The following RORA variants were observed in gnomAD, a reference collection of about 807,000 sequenced individuals.
RORA encodes the protein nuclear receptor ROR-alpha.
Under a neutral mutation model 69.5 loss-of-function variants are expected in RORA, and 7 were observed. That is an observed-to-expected ratio of 0.10 (90% CI 0.06 to 0.19). The LOEUF (loss-of-function observed/expected upper bound fraction) is 0.19, where lower values mean the gene tolerates loss of function less well. Among genes scored for constraint, RORA ranks in the 10% least tolerant of loss-of-function variants. The probability of loss-of-function intolerance (pLI) is 1.00; values close to 1 mark genes in which losing one functional copy is unlikely to be tolerated. For synonymous variants in RORA, 261 were observed against 240.8 expected, an observed-to-expected ratio of 1.08 and a Z score of -0.78; for missense variants, 457 against 663.0, an observed-to-expected ratio of 0.69 and a Z score of 3.41.
intron 2 of RORA, among the ~76,000 whole-genome samples, chr15:60,676,043 T>C (rs1766691051): frequency 1.3e-5 from 2 of 152,164 alleles, no homozygotes; most frequent in African/African-American, 4.8e-5. Flanking sequence ...TTCATACACT[T>C]CACTGATAGT....
chr15:61,045,924 G>A (rs898759919), intron 1 of RORA, among the ~76,000 whole-genome samples: 3 of 152,152 alleles, frequency 2.0e-5, no homozygotes, highest in Non-Finnish European at 4.4e-5. Context: ...AGAACAACAG[G>A]CACAACTATT....
At chr15:60,735,921 C>T (rs978808545) in intron 1 of RORA, among the ~76,000 whole-genome samples, 3 of 152,170 alleles carry the variant, frequency 2.0e-5, no homozygotes, top group South Asian at 2.1e-4. Flanking sequence ...TGGCCAAGCC[C>T]AATTTAATCC....
At chr15:60,967,375 TG>T (rs1446141809) in intron 1 of RORA, among the ~76,000 whole-genome samples, 1 of 152,168 alleles carries the variant, frequency 6.6e-6, no homozygotes, top group African/African-American at 2.4e-5. Context: ...GAATTTGAAT[TG>T]GGAATCAGCA....
chr15:61,192,402 G>T (rs971909694), intron 1 of RORA, among the ~76,000 whole-genome samples: 3 of 152,192 alleles, frequency 2.0e-5, no homozygotes, highest in Non-Finnish European at 4.4e-5. Flanking sequence ...TATACAATCA[G>T]TAAAAGATGA....
At chr15:60,656,162 G>C (rs1596101664) in intron 2 of RORA, among the ~76,000 whole-genome samples, 1 of 152,222 alleles carries the variant, frequency 6.6e-6, no homozygotes, top group African/African-American at 2.4e-5. Context: ...TAGGAAGAGA[G>C]AGGTTTGGGA....
chr15:61,014,353 G>A (rs1895206444), intron 1 of RORA, among the ~76,000 whole-genome samples: 1 of 152,182 alleles, frequency 6.6e-6, no homozygotes. Flanking sequence ...CTGCGGATGT[G>A]GCTTCCTCAT....
chr15:60,789,508 T>C (rs1019944334), intron 1 of RORA, among the ~76,000 whole-genome samples: 1 of 152,276 alleles, frequency 6.6e-6, no homozygotes, highest in Non-Finnish European at 1.5e-5. Flanking sequence ...TTCCCAGCAC[T>C]GGGTCTGCAT....
intron 1 of RORA, among the ~76,000 whole-genome samples, chr15:61,205,381 G>A (rs969222136): frequency 1.3e-5 from 2 of 152,130 alleles, no homozygotes; most frequent in Non-Finnish European, 2.9e-5. Flanking sequence ...TGCATCTTTC[G>A]TATTCACAGT....
At chr15:61,117,019 CA>C (rs2079056931) in intron 1 of RORA, among the ~76,000 whole-genome samples, 1 of 152,064 alleles carries the variant, frequency 6.6e-6, no homozygotes, top group Non-Finnish European at 1.5e-5. Context: ...CAAAATACAT[CA>C]GCTTCAAAGA....
At chr15:61,172,543 G>T (rs137892731) in intron 1 of RORA, among the ~76,000 whole-genome samples, 2 of 152,106 alleles carry the variant, frequency 1.3e-5, no homozygotes, top group Non-Finnish European at 2.9e-5. Context: ...TCAAAACAGA[G>T]TTCAAGGGGG....
chr15:61,201,177 G>C (rs1254690618), intron 1 of RORA, among the ~76,000 whole-genome samples: 2 of 152,188 alleles, frequency 1.3e-5, no homozygotes, highest in African/African-American at 4.8e-5. Flanking sequence ...CACAGTCCCA[G>C]GTACCCAAGC....
intron 1 of RORA, among the ~76,000 whole-genome samples, chr15:60,810,107 C>T (rs1004164432): frequency 1.3e-5 from 2 of 152,020 alleles, no homozygotes; most frequent in African/African-American, 4.8e-5. Context: ...TGGTTTATGC[C>T]CTCAAGTTTG....
chr15:61,141,128 T>A (rs757319213), intron 1 of RORA, among the ~76,000 whole-genome samples: 10 of 152,318 alleles, frequency 6.6e-5, no homozygotes, highest in Non-Finnish European at 1.0e-4. Flanking sequence ...AGGAGTTCTG[T>A]CTACATTTCA....
At chr15:60,792,149 A>G (rs1216569085) in intron 1 of RORA, among the ~76,000 whole-genome samples, 2 of 152,194 alleles carry the variant, frequency 1.3e-5, no homozygotes, top group African/African-American at 4.8e-5. Flanking sequence ...AAGTAGAATG[A>G]ATATAATGAA....
intron 1 of RORA, among the ~76,000 whole-genome samples, chr15:60,980,136 CA>C (rs1219318433): frequency 6.6e-6 from 1 of 152,122 alleles, no homozygotes; most frequent in Non-Finnish European, 1.5e-5. Flanking sequence ...TTGAGATGAT[CA>C]CATGGGTTTT....
intron 1 of RORA, among the ~76,000 whole-genome samples, chr15:60,851,750 G>A (rs975573765): frequency 3.3e-5 from 5 of 151,544 alleles, no homozygotes; most frequent in Admixed American, 6.6e-5. Flanking sequence ...GTGTATGAGT[G>A]AGTGGGTGGG....
intron 1 of RORA, among the ~76,000 whole-genome samples, chr15:61,095,771 A>G (rs2078780447): frequency 6.6e-6 from 1 of 152,246 alleles, no homozygotes; most frequent in Non-Finnish European, 1.5e-5. Flanking sequence ...CCCAAGGTCC[A>G]TGATTTTCCA....
intron 1 of RORA, among the ~76,000 whole-genome samples, chr15:61,127,842 C>T (rs1162337423): frequency 6.6e-6 from 1 of 152,152 alleles, no homozygotes; most frequent in East Asian, 1.9e-4. Flanking sequence ...GGGTGCAGTA[C>T]CTGGGCTGGC....
At chr15:60,679,526 T>A (rs1204561677) in intron 1 of RORA, among the ~76,000 whole-genome samples, 1 of 152,200 alleles carries the variant, frequency 6.6e-6, no homozygotes, top group African/African-American at 2.4e-5. Context: ...GGAGACGTTC[T>A]TGAGACTAAG....
Sources: gnomAD v4.1 joint callset for allele counts (sites outside exome capture counted in the v4.1 genomes callset) on GRCh38, gnomAD v4.1.1 for gene constraint, MANE v1.5 for transcripts, NCBI Gene and HGNC (gene_info 2026-07-23, HGNC 2026-07-21) for gene names.